CNTN1: variants seen among roughly 807,000 people sequenced by gnomAD.
CNTN1 encodes contactin 1.
Under a neutral mutation model 126.4 loss-of-function variants are expected in CNTN1, and 38 were observed. The observed-to-expected ratio is 0.30, with a 90% CI of 0.23 to 0.39. The LOEUF (loss-of-function observed/expected upper bound fraction) is 0.39, where lower values mean the gene tolerates loss of function less well. CNTN1 is among the 10% of genes least tolerant of loss of function. The pLI is 1.00. For missense variants in CNTN1, 1,009 were observed against 1,248.4 expected (o/e 0.81, Z 2.89); for synonymous variants, 413 against 422.6 (o/e 0.98, Z 0.28).
At chr12:40,844,080 T>TTTTTTTTTTTTTTTTTTTTTTTTTTTTTG (rs1942402370) in intron 1 of CNTN1, among the ~76,000 whole-genome samples, 1 of 134,774 alleles carries the variant, frequency 7.4e-6, no homozygotes, top group South Asian at 2.5e-4. Flanking sequence ...TTTTTTTTTT[T>TTTTTTTTTTTTTTTTTTTTTTTTTTTTTG]TTTTTGAGAC....
intron 1 of CNTN1, among the ~76,000 whole-genome samples, chr12:40,694,599 A>G (rs1007666259): frequency 1.3e-5 from 2 of 152,204 alleles, no homozygotes; most frequent in African/African-American, 4.8e-5. Flanking sequence ...AACAATATAA[A>G]CCAAGTTTAT....
chr12:41,060,541 A>G (rs905163144), intron 23 of CNTN1, among the ~76,000 whole-genome samples: 2 of 152,172 alleles, frequency 1.3e-5, no homozygotes, highest in Non-Finnish European at 2.9e-5. Flanking sequence ...CAGTCTTTCT[A>G]ACTTTGATTG....
chr12:40,730,782 A>C (rs1942478658), intron 1 of CNTN1, among the ~76,000 whole-genome samples: 1 of 152,176 alleles, frequency 6.6e-6, no homozygotes, highest in Non-Finnish European at 1.5e-5. Flanking sequence ...TTATAATAAC[A>C]TTTCCATTGC....
At chr12:40,778,773 A>C (rs1005284135) in intron 1 of CNTN1, among the ~76,000 whole-genome samples, 3 of 151,846 alleles carry the variant, frequency 2.0e-5, no homozygotes, top group African/African-American at 7.2e-5. Context: ...CCTATAAGAA[A>C]TTGGCTCTCA....
intron 1 of CNTN1, among the ~76,000 whole-genome samples, chr12:40,872,719 C>T (rs1186990609): frequency 6.6e-6 from 1 of 151,580 alleles, no homozygotes; most frequent in Non-Finnish European, 1.5e-5. Context: ...TACAGGTGCA[C>T]ACCACCACGC....
intron 9 of CNTN1, among the ~76,000 whole-genome samples, chr12:40,935,954 C>T (rs1456406358): frequency 2.6e-5 from 4 of 151,850 alleles, no homozygotes; most frequent in Non-Finnish European, 5.9e-5. Context: ...AACACAAGTT[C>T]CCAGTTTCAA....
At chr12:40,778,070 T>C (rs897891677) in intron 1 of CNTN1, among the ~76,000 whole-genome samples, 2 of 151,822 alleles carry the variant, frequency 1.3e-5, no homozygotes, top group African/African-American at 4.8e-5. Context: ...GAATATTTAT[T>C]TGAGGTCATT....
At chr12:40,813,062 CCT>C (rs1565773282) in intron 1 of CNTN1, among the ~76,000 whole-genome samples, 7 of 71,158 alleles carry the variant, frequency 9.8e-5, no homozygotes, top group African/African-American at 3.8e-4. Flanking sequence ...TTTCTTTCTT[CCT>C]TCCTTCCTTC....
chr12:40,785,004 A>C (rs1939956769), intron 1 of CNTN1, among the ~76,000 whole-genome samples: 1 of 152,128 alleles, frequency 6.6e-6, no homozygotes, highest in Non-Finnish European at 1.5e-5. Flanking sequence ...TCCTAGATAC[A>C]GTTCTAAGGA....
At chr12:40,888,083 G>A (rs544529963) in intron 1 of CNTN1, among the ~76,000 whole-genome samples, 1 of 151,772 alleles carries the variant, frequency 6.6e-6, no homozygotes, top group South Asian at 2.1e-4. Context: ...GTTAATGGGT[G>A]CAGTACACCA....
Position 41,049,268 on chromosome 12 carries a change from G to A in CNTN1, c.2980+20049G>A, listed in dbSNP as rs146879674. Among the ~76,000 whole-genome samples, 601 of 152,290 alleles carry A rather than the reference G, an allele frequency of 3.9e-3. 7 individuals carry two copies. The highest frequency in any genetic ancestry group is 0.014 in the African/African-American group (577 of 41,552). Reference sequence around the variant, plus strand: ...TGCAGTCTCGAGGCTTTAAGTGCATGACATGTATTTGTAGAAAACAATCAA... The same window carrying A: ...TGCAGTCTCGAGGCTTTAAGTGCATAACATGTATTTGTAGAAAACAATCAA... On this transcript the variant is annotated intron_variant, in intron 23 of 23. Coordinates refer to ENST00000551295, the MANE Select transcript of CNTN1 (RefSeq NM_001843.4).
At chr12:41,010,900 C>T (rs766710151) in intron 17 of CNTN1, among the ~76,000 whole-genome samples, 28 of 151,852 alleles carry the variant, frequency 1.8e-4, no homozygotes, top group Non-Finnish European at 3.4e-4. Flanking sequence ...CCCTTCCTAT[C>T]GGGAATGGTG....
rs1277176542 is a variant in CNTN1, at chr12:40,723,932, T to TAGAAAG, written c.-77+31351_-77+31356dup. ...TAACTGCCTGGGCCTCTCCTTCCAA[T>TAGAAAG]AGAAAGAGAAAGAGAATTATAAATT... On this transcript the variant is annotated intron_variant, in intron 1 of 23. Transcript: ENST00000551295. Among the ~76,000 whole-genome samples the TAGAAAG allele has an allele frequency of 3.3e-5, 5 of 152,012 alleles. No homozygotes were observed. In the East Asian group the frequency reaches 7.7e-4, roughly 23 times the overall value.
At chr12:40,715,642 T>C (rs955531012) in intron 1 of CNTN1, among the ~76,000 whole-genome samples, 3 of 152,122 alleles carry the variant, frequency 2.0e-5, no homozygotes, top group Non-Finnish European at 2.9e-5. Context: ...CAATCAAGCC[T>C]TTGGGAGAGC....
rs1319942687 is a variant in CNTN1, at chr12:40,792,299, T to TAC, written c.-77+99707_-77+99708insAC. 2.6e-5 allele frequency among the ~76,000 whole-genome samples: 4 copies of TAC among 152,060 alleles called. No individual in the cohort carries two copies. In the East Asian group the frequency reaches 7.7e-4, roughly 29 times the overall value. Reference sequence around the variant, plus strand: ...CCTAAACTCCTTGAACCACACATGTTGACAGTGGTAAAATGAGGAGGCAAT... The same window carrying TAC: ...CCTAAACTCCTTGAACCACACATGTTACGACAGTGGTAAAATGAGGAGGCAAT... On this transcript the variant is annotated intron_variant, in intron 1 of 23. Transcript: ENST00000551295.
chr12:40,744,617 A>C (rs139970889), intron 1 of CNTN1, among the ~76,000 whole-genome samples: 26 of 152,294 alleles, frequency 1.7e-4, no homozygotes, highest in African/African-American at 6.3e-4. Flanking sequence ...CATAGGACTG[A>C]AACTTAGAAT....
At chr12:40,908,780 C>T (rs1332128140) in intron 2 of CNTN1, among the ~76,000 whole-genome samples, 3 of 152,038 alleles carry the variant, frequency 2.0e-5, no homozygotes, top group Non-Finnish European at 4.4e-5. Context: ...AGTAAATTAT[C>T]CTACCATGGC....
intron 23 of CNTN1, among the ~76,000 whole-genome samples, chr12:41,053,181 T>A (rs989953215): frequency 3.3e-5 from 5 of 151,348 alleles, no homozygotes; most frequent in African/African-American, 1.2e-4. Context: ...AATTCTTACA[T>A]TCTTTCAAGT....
intron 1 of CNTN1, among the ~76,000 whole-genome samples, chr12:40,867,453 A>C (rs1943335777): frequency 6.6e-6 from 1 of 152,214 alleles, no homozygotes; most frequent in Non-Finnish European, 1.5e-5. Flanking sequence ...ATAGTTAATA[A>C]CAATGTATTG....
Sources: allele counts gnomAD v4.1 joint callset (sites outside exome capture counted in the v4.1 genomes callset), GRCh38; gene constraint gnomAD v4.1.1; transcripts MANE v1.5; gene names NCBI Gene and HGNC (gene_info 2026-07-23, HGNC 2026-07-21).